The following KIRREL3 variants were observed in gnomAD, a reference collection of about 807,000 sequenced individuals.
KIRREL3 encodes kirre like nephrin family adhesion molecule 3.
KIRREL3 carries 36 observed loss-of-function variants against 89.7 expected under a neutral mutation model. That is an observed-to-expected ratio of 0.40 (90% CI 0.31 to 0.53). KIRREL3 has a LOEUF of 0.53. Ranked by LOEUF, KIRREL3 falls within the 20% of genes least tolerant of loss-of-function variation. KIRREL3 has a pLI of 0.49. For synonymous variants in KIRREL3, 445 were observed against 441.4 expected (o/e 1.01, Z -0.10); for missense variants, 864 against 1,056.6 (o/e 0.82, Z 2.53).
chr11:126,923,245 T>C (rs866672667), intron 1 of KIRREL3, among the ~76,000 whole-genome samples: 27 of 57,624 alleles, frequency 4.7e-4, no homozygotes, highest in East Asian at 1.3e-3. Flanking sequence ...TTCTTCTTCT[T>C]CTTCTTCTTC....
intron 1 of KIRREL3, among the ~76,000 whole-genome samples, chr11:126,746,739 C>G (rs1949164738): frequency 6.6e-6 from 1 of 152,196 alleles, no homozygotes; most frequent in Non-Finnish European, 1.5e-5. Context: ...TGCTCAAGTT[C>G]AGGCCCTCGT....
Position 126,978,337 on chromosome 11 carries a change from T to C in KIRREL3, c.55+22118A>G, listed in dbSNP as rs541341498. ...TGTTCTTCACCTTCCCTTCAAACTT[T>C]AGCCAATTAGGTTTCCTCCATTCTT... is the stretch of plus-strand genomic sequence containing the variant. On this transcript the variant is annotated intron_variant, in intron 1 of 16. Transcript: ENST00000525144. The surrounding 1 kb of genome is among the most constrained non-coding windows in gnomAD (Gnocchi z 4.2). 4.2e-4 allele frequency among the ~76,000 whole-genome samples: 64 copies of C among 152,292 alleles called. No homozygotes were observed. The highest frequency in any genetic ancestry group is 1.5e-3 in the African/African-American group (61 of 41,560).
At chr11:126,770,961 G>A (rs1382397042) in intron 1 of KIRREL3, among the ~76,000 whole-genome samples, 2 of 152,194 alleles carry the variant, frequency 1.3e-5, no homozygotes, top group East Asian at 1.9e-4. Flanking sequence ...TCAGCCTCCC[G>A]AGTAGCTGGG....
chr11:126,634,508 G>A (rs559020750), intron 1 of KIRREL3, among the ~76,000 whole-genome samples: 129 of 152,252 alleles, frequency 8.5e-4, no homozygotes, highest in Non-Finnish European at 1.3e-3. Context: ...TAATGGACTC[G>A]GAACAAGTCT....
chr11:126,908,563 G>C lies in KIRREL3; in HGVS notation c.55+91892C>G, dbSNP rs1049614522. On this transcript the variant is annotated intron_variant, in intron 1 of 16. Transcript: ENST00000525144. This position sits in a 1 kb window ranked among gnomAD's most constrained non-coding sequence, Gnocchi z 4.2. ...TACCTAGAACAGGGCAGGGCATAGGGTAAACGTTCTAGAAACACTGGCTAT... is the reference window on the plus strand; with the variant it reads ...TACCTAGAACAGGGCAGGGCATAGGCTAAACGTTCTAGAAACACTGGCTAT... Among the ~76,000 whole-genome samples, 5 of 152,190 alleles carry C rather than the reference G, an allele frequency of 3.3e-5. No homozygotes were observed. The highest frequency in any genetic ancestry group is 1.2e-4 in the African/African-American group (5 of 41,438).
rs1939864424 is a variant in KIRREL3, at chr11:126,558,433, G to A, written c.133+4402C>T. Among the ~76,000 whole-genome samples, 1 of 152,142 alleles carries A rather than the reference G, an allele frequency of 6.6e-6. No homozygotes were observed. Among genetic ancestry groups the A allele is most frequent in the African/African-American group, 2.4e-5 (1 of 41,424 alleles). On this transcript the variant is annotated intron_variant, in intron 2 of 16. Coordinates refer to ENST00000525144, the MANE Select transcript of KIRREL3 (RefSeq NM_032531.4). The surrounding 1 kb of genome is among the most constrained non-coding windows in gnomAD (Gnocchi z 4.0). ...AAAATGAAACCAAGCTGAAGTGTTA[G>A]AGGCTTTCCCTCTGCTCATGGTCTC...
Position 126,492,421 on chromosome 11 carries a change from C to A in KIRREL3, c.434-18955G>T, listed in dbSNP as rs914122481. On this transcript the variant is annotated intron_variant, in intron 4 of 16. Coordinates refer to ENST00000525144, the MANE Select transcript of KIRREL3 (RefSeq NM_032531.4). The surrounding 1 kb of genome is among the most constrained non-coding windows in gnomAD (Gnocchi z 4.8). ...CTCTCAGCCCCTGTCCACTCAAGTA[C>A]TTCCTCATTAGTTTTGCTGAAGTTA... Among the ~76,000 whole-genome samples, 2 of 152,138 alleles carry A rather than the reference C, an allele frequency of 1.3e-5. No homozygotes were observed. The highest frequency in any genetic ancestry group is 2.9e-5 in the Non-Finnish European group (2 of 68,028).
chr11:126,534,983 G>A (rs943753104), intron 2 of KIRREL3, among the ~76,000 whole-genome samples: 23 of 152,212 alleles, frequency 1.5e-4, no homozygotes, highest in Admixed American at 4.6e-4. Context: ...GTGCTGGTGA[G>A]TGGCTGGTGG....
intron 1 of KIRREL3, among the ~76,000 whole-genome samples, chr11:126,583,584 C>G (rs1941670008): frequency 6.6e-6 from 1 of 152,206 alleles, no homozygotes; most frequent in East Asian, 1.9e-4. Context: ...CACTTAGGTT[C>G]AAATCCCAGC....
rs1565424134 is a variant in KIRREL3, at chr11:126,923,251, TCTTCTTCTTCTTCTTCTCCTTCTC to T, written c.55+77180_55+77203del. On this transcript the variant is annotated intron_variant, in intron 1 of 16. Coordinates refer to ENST00000525144, the MANE Select transcript of KIRREL3 (RefSeq NM_032531.4). ...TTCTTCTTCTTCTTCTTCTTCTTCT[TCTTCTTCTTCTTCTTCTCCTTCTC>T]CTTCTCCTTCTCCTTCTCCTTCTTC... 1.9e-3 allele frequency among the ~76,000 whole-genome samples: 114 copies of T among 58,894 alleles called. 13 individuals carry two copies. The highest frequency in any genetic ancestry group is 3.0e-3 in the Non-Finnish European group (83 of 27,656). 38.6% of individuals were successfully genotyped at this position (58,894 alleles called of 152,430 possible). A position where few individuals can be genotyped will look rare whatever the true frequency, so the allele number is the denominator to read the frequency against.
rs1255953307 is a variant in KIRREL3 at position 126,551,719 on chromosome 11, G to A, written c.133+11116C>T. 1.3e-5 allele frequency among the ~76,000 whole-genome samples: 2 copies of A among 149,098 alleles called. No individual in the cohort carries two copies. Among genetic ancestry groups the A allele is most frequent in the African/African-American group, 2.5e-5 (1 of 40,032 alleles). On this transcript the variant is annotated intron_variant, in intron 2 of 16. Transcript: ENST00000525144. This position sits in a 1 kb window ranked among gnomAD's most constrained non-coding sequence, Gnocchi z 4.9. ...AGGCTGAGTGCAATGGTGTGACCTC[G>A]GCTCACTGCAACCTCTCCTGGGTTC...
intron 4 of KIRREL3, among the ~76,000 whole-genome samples, chr11:126,497,320 C>G (rs564906299): frequency 2.7e-4 from 41 of 151,736 alleles, no homozygotes; most frequent in African/African-American, 9.7e-4. Context: ...GAGAGTAAGA[C>G]AGAGAGAGAG....
chr11:126,832,208 C>G (rs1943631336), intron 1 of KIRREL3, among the ~76,000 whole-genome samples: 1 of 152,114 alleles, frequency 6.6e-6, no homozygotes, highest in African/African-American at 2.4e-5. Flanking sequence ...ATCCTAGGTG[C>G]ACACACTGTG....
rs187609709 is a variant in KIRREL3, at chr11:126,447,677, C to T, written c.998-791G>A. The stretch of plus-strand genomic sequence containing the variant: ...CAAGCTTGGTCTACACAGTGGGGGC[C>T]GTGTGGGGATTCCAGGCTCAGGGTC... On this transcript the variant is annotated intron_variant, in intron 8 of 16. Coordinates refer to ENST00000525144, the MANE Select transcript of KIRREL3 (RefSeq NM_032531.4). Among the ~76,000 whole-genome samples the T allele has an allele frequency of 3.8e-3, 575 of 152,194 alleles. 1 individual carries two copies. Among genetic ancestry groups the T allele is most frequent in the Non-Finnish European group, 7.0e-3 (473 of 67,998 alleles).
chr11:126,914,396 G>T (rs1181844986), intron 1 of KIRREL3, among the ~76,000 whole-genome samples: 1 of 152,204 alleles, frequency 6.6e-6, no homozygotes, highest in Non-Finnish European at 1.5e-5. Context: ...CATTCTCAGA[G>T]AATTTATAAA....
At position 126,808,749 on chromosome 11, in the gene KIRREL3, G is replaced by T. The variant is rs889957772; in HGVS notation, c.55+191706C>A. On this transcript the variant is annotated intron_variant, in intron 1 of 16. Coordinates refer to ENST00000525144, the MANE Select transcript of KIRREL3 (RefSeq NM_032531.4). This position sits in a 1 kb window ranked among gnomAD's most constrained non-coding sequence, Gnocchi z 4.1. ...TTTCCAATTTCCACATGCATATATA[G>T]AATGAATTGTTGAGACGGAGAATAT... Among the ~76,000 whole-genome samples, 2 of 152,172 alleles carry T rather than the reference G, an allele frequency of 1.3e-5. No individual in the cohort carries two copies. The highest frequency in any genetic ancestry group is 2.9e-5 in the Non-Finnish European group (2 of 68,046).
intron 1 of KIRREL3, among the ~76,000 whole-genome samples, chr11:126,693,738 C>T (rs1032815234): frequency 3.2e-4 from 49 of 152,322 alleles, no homozygotes; most frequent in African/African-American, 1.2e-3. Flanking sequence ...TAAATTGAGG[C>T]AGGATTACCT....
At chr11:126,927,197 C>T (rs1348307961) in intron 1 of KIRREL3, among the ~76,000 whole-genome samples, 2 of 152,090 alleles carry the variant, frequency 1.3e-5, no homozygotes, top group Admixed American at 1.3e-4. Context: ...TGAAAAGCTC[C>T]CAACTGCAGC....
chr11:126,923,269 C>CTT (rs1565424302), intron 1 of KIRREL3, among the ~76,000 whole-genome samples: 10 of 23,136 alleles, frequency 4.3e-4, no homozygotes, highest in South Asian at 1.9e-3. Flanking sequence ...TTCTTCTTCT[C>CTT]CTTCTCCTTC....
Sources: allele counts gnomAD v4.1 joint callset (sites outside exome capture counted in the v4.1 genomes callset), GRCh38; gene constraint gnomAD v4.1.1; non-coding constraint Gnocchi (gnomAD v3.1); transcripts MANE v1.5; gene names NCBI Gene and HGNC (gene_info 2026-07-23, HGNC 2026-07-21).